Variants in ADGRB3 observed in about 807,000 individuals in gnomAD.
The protein encoded by ADGRB3 is adhesion G protein-coupled receptor B3.
A neutral mutation model predicts 193.4 loss-of-function variants in ADGRB3; 37 were observed. That is an observed-to-expected ratio of 0.19 (90% CI 0.15 to 0.25). ADGRB3 has a LOEUF of 0.25. ADGRB3 is among the 10% of genes least tolerant of loss of function. ADGRB3 has a pLI of 1.00. For missense variants in ADGRB3, 1,637 were observed against 1,852.9 expected, an observed-to-expected ratio of 0.88 and a Z score of 2.14; for synonymous variants, 690 against 644.2, an observed-to-expected ratio of 1.07 and a Z score of -1.08.
intron 15 of ADGRB3, among the ~76,000 whole-genome samples, chr6:69,062,637 T>C (rs1276731081): frequency 2.0e-5 from 3 of 151,996 alleles, no homozygotes; most frequent in African/African-American, 7.2e-5. Context: ...AGGTTTGAAT[T>C]CACAATCCAT....
intron 17 of ADGRB3, among the ~76,000 whole-genome samples, chr6:69,101,095 A>C (rs895983513): frequency 9.2e-5 from 14 of 151,686 alleles, no homozygotes; most frequent in Admixed American, 2.6e-4. Context: ...TATGTCCTAC[A>C]TTTTCCCCAG....
At chr6:69,104,847 T>C (rs1773165698) in intron 17 of ADGRB3, among the ~76,000 whole-genome samples, 1 of 152,170 alleles carries the variant, frequency 6.6e-6, no homozygotes, top group African/African-American at 2.4e-5. Context: ...TTCAAAAACA[T>C]ATGTGTATTA....
At chr6:68,662,233 T>C (rs1406976443) in intron 3 of ADGRB3, among the ~76,000 whole-genome samples, 1 of 151,636 alleles carries the variant, frequency 6.6e-6, no homozygotes, top group Non-Finnish European at 1.5e-5. Context: ...CTGAGCAGCT[T>C]AGAATAGTCC....
intron 3 of ADGRB3, among the ~76,000 whole-genome samples, chr6:68,873,476 A>C (rs140276707): frequency 4.6e-5 from 7 of 152,112 alleles, no homozygotes; most frequent in Non-Finnish European, 8.8e-5. Flanking sequence ...AATATAACAG[A>C]TGTGATTTCT....
chr6:69,139,347 T>G (rs574050882), intron 17 of ADGRB3, among the ~76,000 whole-genome samples: 2 of 152,330 alleles, frequency 1.3e-5, no homozygotes, highest in Admixed American at 1.3e-4. Context: ...GGTTGGTTCC[T>G]TAGTACCCTG....
rs192757862 is a variant in ADGRB3, at chr6:68,649,550, T to C, written c.757+10118T>C. On this transcript the variant is annotated intron_variant, in intron 3 of 31. Coordinates refer to ENST00000370598, the MANE Select transcript of ADGRB3 (RefSeq NM_001704.3). ...TTTGTATACATAATTTAAACAAATA[T>C]GAGATAGGTCTCAAAAAAACGATTG... Among the ~76,000 whole-genome samples, 397 of 152,294 alleles carry C rather than the reference T, an allele frequency of 2.6e-3. 2 individuals carry two copies. Among genetic ancestry groups the C allele is most frequent in the African/African-American group, 8.3e-3 (347 of 41,570 alleles).
chr6:68,721,632 AT>A (rs1765582577), intron 3 of ADGRB3, among the ~76,000 whole-genome samples: 4 of 18,666 alleles, frequency 2.1e-4, no homozygotes, highest in East Asian at 3.8e-3. Context: ...TAATAAATAT[AT>A]ATATATATAT....
At chr6:69,136,514 T>C (rs1774153001) in intron 17 of ADGRB3, among the ~76,000 whole-genome samples, 1 of 152,144 alleles carries the variant, frequency 6.6e-6, no homozygotes, top group Admixed American at 6.5e-5. Context: ...GTTTCTTTTA[T>C]TTAATATTAA....
At position 68,822,169 on chromosome 6, in the gene ADGRB3, C is replaced by T. The variant is rs552308812; in HGVS notation, c.758-108390C>T. On this transcript the variant is annotated intron_variant, in intron 3 of 31. Coordinates refer to ENST00000370598, the MANE Select transcript of ADGRB3 (RefSeq NM_001704.3). ...GAGTAAAAAGAAAGCGGATGACATT[C>T]GGAAAATAAAGAGAAGACAGACTAA... is the stretch of plus-strand genomic sequence containing the variant. Among the ~76,000 whole-genome samples the T allele has an allele frequency of 6.6e-5, 10 of 151,670 alleles. No homozygotes were observed. In the South Asian group the frequency reaches 1.2e-3, roughly 19 times the overall value.
intron 20 of ADGRB3, among the ~76,000 whole-genome samples, chr6:69,303,038 T>C (rs775377931): frequency 6.6e-6 from 1 of 151,888 alleles, no homozygotes; most frequent in Non-Finnish European, 1.5e-5. Context: ...TGCCAGACAA[T>C]GAGGAAGAGG....
intron 11 of ADGRB3, among the ~76,000 whole-genome samples, chr6:68,996,717 A>G (rs1043549213): frequency 1.3e-5 from 2 of 152,198 alleles, no homozygotes; most frequent in South Asian, 2.1e-4. Flanking sequence ...CTCCAAGAGC[A>G]TTTCCTCTTC....
intron 6 of ADGRB3, among the ~76,000 whole-genome samples, chr6:68,947,761 A>G (rs1280163528): frequency 6.6e-6 from 1 of 152,108 alleles, no homozygotes; most frequent in African/African-American, 2.4e-5. Context: ...ATACTATTGT[A>G]ATGGGGTGGA....
At chr6:69,002,511 C>T (rs1403166156) in intron 11 of ADGRB3, among the ~76,000 whole-genome samples, 2 of 152,112 alleles carry the variant, frequency 1.3e-5, no homozygotes, top group Non-Finnish European at 2.9e-5. Context: ...ACCACTGCGC[C>T]CAGCCAAATC....
intron 3 of ADGRB3, among the ~76,000 whole-genome samples, chr6:68,906,116 A>G (rs1197514423): frequency 1.3e-5 from 2 of 151,874 alleles, no homozygotes; most frequent in Non-Finnish European, 2.9e-5. Flanking sequence ...TGTCTTTATA[A>G]ATGTAGCAGG....
At chr6:69,076,620 T>C (rs1299941519) in intron 17 of ADGRB3, among the ~76,000 whole-genome samples, 1 of 152,096 alleles carries the variant, frequency 6.6e-6, no homozygotes, top group Non-Finnish European at 1.5e-5. Flanking sequence ...AATTGCAATA[T>C]ATCTAATCAA....
chr6:68,655,917 A>G (rs1197221872), intron 3 of ADGRB3, among the ~76,000 whole-genome samples: 1 of 151,612 alleles, frequency 6.6e-6, no homozygotes, highest in African/African-American at 2.4e-5. Context: ...TCCTTTCTCA[A>G]TCATATTGAA....
At chr6:68,892,594 C>G (rs1008469985) in intron 3 of ADGRB3, among the ~76,000 whole-genome samples, 1 of 152,050 alleles carries the variant, frequency 6.6e-6, no homozygotes, top group Non-Finnish European at 1.5e-5. Flanking sequence ...TGTAAACTCC[C>G]TAAGAGCAGG....
intron 20 of ADGRB3, among the ~76,000 whole-genome samples, chr6:69,295,963 G>T (rs182779149): frequency 3.3e-5 from 5 of 152,200 alleles, no homozygotes; most frequent in East Asian, 1.9e-4. Flanking sequence ...TTGTTGACTT[G>T]GGAGAGAACC....
chr6:69,220,996 A>G (rs897742895), intron 17 of ADGRB3, among the ~76,000 whole-genome samples: 4 of 151,942 alleles, frequency 2.6e-5, no homozygotes, highest in African/African-American at 9.7e-5. Flanking sequence ...TCGGTGGACA[A>G]GCTGTATATT....
Sources: allele counts gnomAD v4.1 joint callset (sites outside exome capture counted in the v4.1 genomes callset), GRCh38; gene constraint gnomAD v4.1.1; transcripts MANE v1.5; gene names NCBI Gene and HGNC (gene_info 2026-07-23, HGNC 2026-07-21).